MAN1C1: variants seen among roughly 807,000 people sequenced by gnomAD.
MAN1C1 encodes mannosidase alpha class 1C member 1.
MAN1C1 carries 49 observed loss-of-function variants against 71.5 expected under a neutral mutation model. The ratio of observed to expected loss-of-function variants is 0.69; its 90% confidence interval spans 0.54 to 0.87. The LOEUF (loss-of-function observed/expected upper bound fraction) is 0.87. Among genes scored for constraint, MAN1C1 ranks in the 40% least tolerant of loss-of-function variants. The pLI is 0.00. For synonymous variants in MAN1C1, 352 were observed against 343.7 expected, an observed-to-expected ratio of 1.02 and a Z score of -0.27; for missense variants, 743 against 835.0, an observed-to-expected ratio of 0.89 and a Z score of 1.36.
At position 25,646,762 on chromosome 1, in the gene MAN1C1, T is replaced by C. The variant is rs552872039; in HGVS notation, c.540+28425T>C. ...TAGTGTGTGCGAGAGTTTCTTTTGA[T>C]GGCCGGATAAAATCCCATTGTATGG... On this transcript the variant is annotated intron_variant, in intron 1 of 11. Transcript: ENST00000374332. Among the ~76,000 whole-genome samples, 18 of 152,374 alleles carry C rather than the reference T, an allele frequency of 1.2e-4. No homozygotes were observed. The South Asian group carries it at 3.5e-3, about 30-fold the overall frequency.
intron 1 of MAN1C1, among the ~76,000 whole-genome samples, chr1:25,647,780 G>A (rs1028688315): frequency 5.3e-5 from 8 of 152,192 alleles, no homozygotes; most frequent in Admixed American, 2.6e-4. Context: ...ATTGGGATGA[G>A]GGGTACAGAC....
Position 25,628,464 on chromosome 1 carries a change from T to C in MAN1C1, c.540+10127T>C, listed in dbSNP as rs761040468. On this transcript the variant is annotated intron_variant, in intron 1 of 11. Transcript: ENST00000374332. ...CTGAGATTACAGGTGCATGTCACCA[T>C]GCCTGGCTAATTTTTGTATTTTTAA... 1.3e-4 allele frequency among the ~76,000 whole-genome samples: 20 copies of C among 152,224 alleles called. No individual in the cohort carries two copies. In the East Asian group the frequency reaches 3.5e-3, roughly 26 times the overall value.
rs368723726 is a variant in MAN1C1, at chr1:25,743,737, G to A, written c.638-2931G>A. Among the ~76,000 whole-genome samples, 31 of 152,354 alleles carry A rather than the reference G, an allele frequency of 2.0e-4. No homozygotes were observed. The South Asian group carries it at 6.0e-3, about 29-fold the overall frequency. On this transcript the variant is annotated intron_variant, in intron 2 of 11. Transcript: ENST00000374332. ...GGAGTCCTGGCTGCCCTCCCAGCCT[G>A]ATCTAGAGGAAGAAGGGCGCATGGG... is the stretch of plus-strand genomic sequence containing the variant.
chr1:25,645,195 A>C (rs1409955852), intron 1 of MAN1C1: 1 of 152,340 alleles, frequency 6.6e-6, no homozygotes, highest in Non-Finnish European at 1.5e-5. Flanking sequence ...GCTGGCATCA[A>C]GGATTGGAAA....
At chr1:25,622,139 G>A (rs1163819824) in intron 1 of MAN1C1, among the ~76,000 whole-genome samples, 1 of 152,204 alleles carries the variant, frequency 6.6e-6, no homozygotes, top group Non-Finnish European at 1.5e-5. Context: ...AGGGCTGGGT[G>A]AGGAGAATGT....
At position 25,775,418 on chromosome 1, in the gene MAN1C1, C is replaced by T. The variant is rs1014937196; in HGVS notation, c.1258-2687C>T. Among the ~76,000 whole-genome samples the T allele has an allele frequency of 1.3e-5, 2 of 152,202 alleles. No individual in the cohort carries two copies. The highest frequency in any genetic ancestry group is 1.3e-4 in the Admixed American group (2 of 15,276). The stretch of plus-strand genomic sequence containing the variant: ...CTGCAGCCAGCCCACCAGCCCTGGG[C>T]CCTGACAGGAGAGAAAAAAGGAAAA... On this transcript the variant is annotated intron_variant, in intron 8 of 11. Coordinates refer to ENST00000374332, the MANE Select transcript of MAN1C1 (RefSeq NM_020379.4). This position sits in a 1 kb window ranked among gnomAD's most constrained non-coding sequence, Gnocchi z 5.1.
chr1:25,656,546 T>G (rs1229385128), intron 1 of MAN1C1, among the ~76,000 whole-genome samples: 1 of 152,200 alleles, frequency 6.6e-6, no homozygotes, highest in Non-Finnish European at 1.5e-5. Context: ...CAGCTTCATG[T>G]TTGGATAAAT....
intron 1 of MAN1C1, among the ~76,000 whole-genome samples, chr1:25,622,278 CCT>C (rs2045226971): frequency 6.6e-6 from 1 of 152,136 alleles, no homozygotes; most frequent in Middle Eastern, 3.2e-3. Context: ...ATTGGAAATT[CCT>C]GTTTATTACT....
At chr1:25,747,597 C>T (rs2124339724) in intron 3 of MAN1C1, among the ~76,000 whole-genome samples, 1 of 152,296 alleles carries the variant, frequency 6.6e-6, no homozygotes, top group South Asian at 2.1e-4. Context: ...TCCTGCAGCT[C>T]CTGGCAGCAG....
intron 1 of MAN1C1, among the ~76,000 whole-genome samples, chr1:25,675,476 C>T (rs1053205791): frequency 2.0e-5 from 3 of 151,422 alleles, no homozygotes; most frequent in African/African-American, 4.9e-5. Flanking sequence ...TTTCTTTATC[C>T]ACTCATTGGT....
chr1:25,617,729 C>G lies in MAN1C1; in HGVS notation c.-69C>G, dbSNP rs981791961. 1.5e-5 allele frequency: 22 copies of G among 1,457,558 alleles called. No individual in the cohort carries two copies. The African/African-American group carries it at 2.7e-4, about 18-fold the overall frequency. The allele number at this position is 1,457,558 out of a possible 1,614,324, so 90.3% of individuals were successfully genotyped here. The stretch of plus-strand genomic sequence containing the variant: ...TCCCGGGCGGCGCTCCGGACGCCCT[C>G]CCCTCACCGCGCCCCCGCAGACACG... On this transcript the variant is annotated 5_prime_UTR_variant, in exon 1 of 12. Transcript: ENST00000374332. The surrounding 1 kb of genome is among the most constrained non-coding windows in gnomAD (Gnocchi z 5.1).
In MAN1C1 at chr1:25,617,582, G is replaced by A; in HGVS notation, c.-216G>A. 1 of 431,984 alleles carries A rather than the reference G, an allele frequency of 2.3e-6. No individual in the cohort carries two copies. Among genetic ancestry groups the A allele is most frequent in the Non-Finnish European group, 4.1e-6 (1 of 246,636 alleles). The allele number at this position is 431,984 out of a possible 1,614,324, so 26.8% of individuals were successfully genotyped here. ...GTGCCGCTCCGCTCGCCCGGGCCCC[G>A]CCGAGGCCGCTGCGCCCCCGCCTCC... On this transcript the variant is annotated 5_prime_UTR_variant, in exon 1 of 12. Transcript: ENST00000374332. This position sits in a 1 kb window ranked among gnomAD's most constrained non-coding sequence, Gnocchi z 5.1.
intron 2 of MAN1C1, among the ~76,000 whole-genome samples, chr1:25,716,853 G>T: frequency 6.6e-6 from 1 of 152,046 alleles, no homozygotes; most frequent in South Asian, 2.1e-4. Context: ...TCAGCTTCTG[G>T]CCTAGGCAAT....
In MAN1C1 at chr1:25,628,533, C is replaced by T. The variant is rs983578252; in HGVS notation, c.540+10196C>T. On this transcript the variant is annotated intron_variant, in intron 1 of 11. Transcript: ENST00000374332. ...ATGTTGGTCAGGCTGCTCTCGAACT[C>T]CTGACCTCAGGTGATCCATCTGCCC... Among the ~76,000 whole-genome samples, 14 of 152,280 alleles carry T rather than the reference C, an allele frequency of 9.2e-5. No individual in the cohort carries two copies. The South Asian group carries it at 2.1e-3, about 23-fold the overall frequency.
In MAN1C1 at chr1:25,779,047, G is replaced by A. The variant is rs574388715; in HGVS notation, c.1477+723G>A. 4.8e-4 allele frequency among the ~76,000 whole-genome samples: 73 copies of A among 152,220 alleles called. No individual in the cohort carries two copies. The highest frequency in any genetic ancestry group is 8.1e-4 in the Non-Finnish European group (55 of 68,006). ...GCCTTCTGATGCCTGGTTCCACCCC[G>A]TGCGCAAACTGCACCCCTCAGAAAA... On this transcript the variant is annotated intron_variant, in intron 9 of 11. Transcript: ENST00000374332. This position sits in a 1 kb window ranked among gnomAD's most constrained non-coding sequence, Gnocchi z 4.6.
intron 2 of MAN1C1, among the ~76,000 whole-genome samples, chr1:25,731,779 G>C (rs564906007): frequency 2.6e-5 from 4 of 152,284 alleles, no homozygotes; most frequent in African/African-American, 9.6e-5. Flanking sequence ...ACTGATGCTG[G>C]GAGTAAACCA....
At chr1:25,656,173 C>T (rs1441410654) in intron 1 of MAN1C1, among the ~76,000 whole-genome samples, 1 of 141,638 alleles carries the variant, frequency 7.1e-6, no homozygotes, top group East Asian at 2.2e-4. Flanking sequence ...TCTCGGCTCA[C>T]TGCAACCTCT....
chr1:25,767,106 T>A (rs983408972), intron 7 of MAN1C1, among the ~76,000 whole-genome samples: 6 of 151,812 alleles, frequency 4.0e-5, no homozygotes, highest in African/African-American at 1.5e-4. Context: ...CCTATGCCTG[T>A]GCTTCTCCCA....
intron 2 of MAN1C1, among the ~76,000 whole-genome samples, chr1:25,742,505 C>T (rs3820517): frequency 0.025 from 3,834 of 152,168 alleles, 254 homozygotes; most frequent in East Asian, 0.18. Context: ...GAGAGAGGGC[C>T]GGGAATGTAG....
Sources: allele counts gnomAD v4.1 joint callset (sites outside exome capture counted in the v4.1 genomes callset), GRCh38; gene constraint gnomAD v4.1.1; non-coding constraint Gnocchi (gnomAD v3.1); transcripts MANE v1.5; gene names NCBI Gene and HGNC (gene_info 2026-07-23, HGNC 2026-07-21).